The following FSTL1 variants were observed in gnomAD, a reference collection of about 807,000 sequenced individuals.
FSTL1 encodes the protein follistatin-related protein 1.
In FSTL1, 24 loss-of-function variants were observed where a neutral mutation model predicts 45.9. The ratio of observed to expected loss-of-function variants is 0.52; its 90% CI spans 0.38 to 0.74. FSTL1 has a LOEUF of 0.74. Ranked by LOEUF, FSTL1 falls within the 30% of genes least tolerant of loss-of-function variation. The probability of loss-of-function intolerance (pLI) is 0.00; values close to 1 mark genes in which losing one functional copy is unlikely to be tolerated. For synonymous variants in FSTL1, 120 were observed against 137.6 expected (o/e 0.87, Z 0.89); for missense variants, 340 against 381.8 (o/e 0.89, Z 0.91).
intron 4 of FSTL1, 41 bp downstream of exon 4, chr3:120,411,813 C>T (rs757298109): frequency 6.3e-6 from 10 of 1,584,076 alleles, no homozygotes; most frequent in Non-Finnish European, 7.8e-6. Flanking sequence ...CTTGGCTCCC[C>T]GTGGCTAAAG....
At chr3:120,412,572 C>T (rs116437512) in intron 3 of FSTL1, among the ~76,000 whole-genome samples, 6,622 of 152,210 alleles carry the variant, frequency 0.044, 360 homozygotes, top group Admixed American at 0.16. Context: ...TTATTAATTA[C>T]CCAATCTCAG....
At chr3:120,443,794 G>A (rs1359570632) in intron 2 of FSTL1, among the ~76,000 whole-genome samples, 1 of 149,864 alleles carries the variant, frequency 6.7e-6, no homozygotes, top group East Asian at 1.9e-4. Flanking sequence ...TAGTTTATTG[G>A]TGATGGCTTC....
intron 2 of FSTL1, among the ~76,000 whole-genome samples, chr3:120,429,120 C>T (rs1312009792): frequency 6.6e-6 from 1 of 152,230 alleles, no homozygotes; most frequent in African/African-American, 2.4e-5. Context: ...TTGCCCACGC[C>T]CAGGCTCTAG....
At position 120,450,714 on chromosome 3, in the gene FSTL1, C is replaced by T. The variant is rs1346577810; in HGVS notation, c.33G>A (p.Ala11=). 1 of 1,544,736 alleles carries T rather than the reference C, an allele frequency of 6.5e-7. No individual in the cohort carries two copies. The highest frequency in any genetic ancestry group is 8.7e-7 in the Non-Finnish European group (1 of 1,147,362). Residue 11 remains alanine (A), a synonymous_variant, in exon 2 of 11, where the codon GCG becomes GCA. Transcript: ENST00000295633. ...CGCGGACCCAGGCGACCGCCACCAG[C>T]GCGAGCGCGAGCGCGAGCCAGCGTT... MWKRWLALAL[A]LVAVAWVRAE... is the part of the protein sequence containing the mutation.
At chr3:120,437,666 A>G (rs1241702168) in intron 2 of FSTL1, among the ~76,000 whole-genome samples, 3 of 152,194 alleles carry the variant, frequency 2.0e-5, no homozygotes, top group Admixed American at 6.5e-5. Flanking sequence ...CCTGGGGCAC[A>G]GCAAAATTTA....
intron 2 of FSTL1, among the ~76,000 whole-genome samples, chr3:120,449,762 G>A (rs151281305): frequency 6.6e-6 from 1 of 152,250 alleles, no homozygotes; most frequent in African/African-American, 2.4e-5. Flanking sequence ...CAAACAGGGA[G>A]CATAAACCAC....
At chr3:120,405,189 G>A (rs891851036) in intron 6 of FSTL1, among the ~76,000 whole-genome samples, 1 of 152,200 alleles carries the variant, frequency 6.6e-6, no homozygotes, top group African/African-American at 2.4e-5. Flanking sequence ...CTGGGCAGAG[G>A]AGGCAACCTG....
chr3:120,450,073 C>G (rs1463423328), intron 2 of FSTL1, among the ~76,000 whole-genome samples: 4 of 151,990 alleles, frequency 2.6e-5, no homozygotes. Flanking sequence ...GAAACTCGAG[C>G]CCCCAAAGAG....
Position 120,415,912 on chromosome 3 carries a change from T to A in FSTL1, c.168+11A>T. The A allele has an allele frequency of 6.4e-7, 1 of 1,569,876 alleles. No individual in the cohort carries two copies. The highest frequency in any genetic ancestry group is 1.7e-5 in the Admixed American group (1 of 59,972). On this transcript the variant is annotated intron_variant, in intron 3 of 10. Transcript: ENST00000295633. ...GGCCACTGTCCTCTGGCTCCCGACA[T>A]CAGGACTTACCTCAATGCAGAGACA...
intron 2 of FSTL1, among the ~76,000 whole-genome samples, chr3:120,445,140 C>T (rs752112361): frequency 6.7e-6 from 1 of 149,666 alleles, no homozygotes; most frequent in Non-Finnish European, 1.5e-5. Flanking sequence ...ACAAAACAGT[C>T]AAGAAAGCTC....
chr3:120,405,864 G>A (rs572088451), intron 6 of FSTL1, among the ~76,000 whole-genome samples: 1 of 152,208 alleles, frequency 6.6e-6, no homozygotes, highest in African/African-American at 2.4e-5. Flanking sequence ...GCATATGGCT[G>A]CTCTCCTAAC....
In FSTL1 at chr3:120,403,335, G is replaced by C. The variant is rs373170332; in HGVS notation, c.601C>G (p.Leu201Val). ...KLLRGLCVDA[L>V]IELSDENADW... is the part of the protein sequence containing the mutation. ...GCATTTTCATCAGACAGTTCAATGA[G>C]AGCATCAACACAGAGTCCCCTGAAA... Residue 201 changes from leucine (L) to valine (V), a missense_variant, in exon 8 of 11, where the codon CTC becomes GTC. Leu to Val is a conservative substitution (Grantham distance 32). Coordinates refer to ENST00000295633, the MANE Select transcript of FSTL1 (RefSeq NM_007085.5). The C allele has an allele frequency of 1.9e-6, 3 of 1,605,836 alleles. No individual in the cohort carries two copies. The highest frequency in any genetic ancestry group is 8.5e-7 in the Non-Finnish European group (1 of 1,172,436).
Position 120,443,585 on chromosome 3 carries a change from C to A in FSTL1, c.63+7099G>T, listed in dbSNP as rs867488658. ...GAAAGACAGAGAGACGTTTTCCTTACATCAATTCAAGCCAATATCCCATGA... is the reference window on the plus strand; with the variant it reads ...GAAAGACAGAGAGACGTTTTCCTTAAATCAATTCAAGCCAATATCCCATGA... On this transcript the variant is annotated intron_variant, in intron 2 of 10. Coordinates refer to ENST00000295633, the MANE Select transcript of FSTL1 (RefSeq NM_007085.5). Among the ~76,000 whole-genome samples, 28 of 149,996 alleles carry A rather than the reference C, an allele frequency of 1.9e-4. 3 individuals are homozygous for A. The highest frequency in any genetic ancestry group is 6.9e-4 in the African/African-American group (27 of 39,326).
Position 120,396,736 on chromosome 3 carries a change from C to A in FSTL1, c.*216G>T. ...AGCCCCAGAGCACCATTTACAGTTT[C>A]TCTTAAAGCACTCCTAGAAATGAAG... On this transcript the variant is annotated 3_prime_UTR_variant, in exon 11 of 11. Transcript: ENST00000295633. 1.8e-6 allele frequency: 1 copy of A among 556,312 alleles called. No individual in the cohort carries two copies. Among genetic ancestry groups the A allele is most frequent in the East Asian group, 3.0e-5 (1 of 33,254 alleles). The allele number at this position is 556,312 out of a possible 1,614,324, so 34.5% of individuals were successfully genotyped here. A position where few individuals can be genotyped will look rare whatever the true frequency, so the allele number is the denominator to read the frequency against.
At chr3:120,439,227 C>G (rs1011227277) in intron 2 of FSTL1, among the ~76,000 whole-genome samples, 1 of 152,180 alleles carries the variant, frequency 6.6e-6, no homozygotes, top group Non-Finnish European at 1.5e-5. Context: ...GGGGTTTACT[C>G]TAAGACATTT....
chr3:120,399,837 T>G (rs765624624), intron 10 of FSTL1, 46 bp downstream of exon 10: 1 of 1,318,830 alleles, frequency 7.6e-7, no homozygotes, highest in Non-Finnish European at 1.1e-6. Flanking sequence ...GTATAGGGCC[T>G]GATGGCAACA....
chr3:120,400,014 A>G (rs528267070), intron 9 of FSTL1, 55 bp from the exon 10 acceptor site: 12 of 1,120,718 alleles, frequency 1.1e-5, no homozygotes, highest in Middle Eastern at 1.9e-4. Context: ...CCAGTGAGGA[A>G]TCCGCCAAGA....
At chr3:120,449,191 T>C (rs1469232715) in intron 2 of FSTL1, among the ~76,000 whole-genome samples, 2 of 152,244 alleles carry the variant, frequency 1.3e-5, no homozygotes, top group East Asian at 3.8e-4. Context: ...CAGAGCTAAC[T>C]AGTTGTATGA....
At chr3:120,409,275 A>C (rs1232722511) in intron 6 of FSTL1, among the ~76,000 whole-genome samples, 2 of 152,226 alleles carry the variant, frequency 1.3e-5, no homozygotes, top group Admixed American at 1.3e-4. Flanking sequence ...CAGGTTCTCC[A>C]AGACCTTTGT....
Sources: allele counts gnomAD v4.1 joint callset (sites outside exome capture counted in the v4.1 genomes callset), GRCh38; gene constraint gnomAD v4.1.1; transcripts MANE v1.5; gene names NCBI Gene and HGNC (gene_info 2026-07-23, HGNC 2026-07-21).